LRRFIP1: variants seen among roughly 807,000 people sequenced by gnomAD.
LRRFIP1 encodes leucine-rich repeat flightless-interacting protein 1.
A neutral mutation model predicts 104.4 loss-of-function variants in LRRFIP1; 62 were observed. That is an observed-to-expected ratio of 0.59 (90% CI 0.48 to 0.73). LRRFIP1 has a LOEUF of 0.73. LRRFIP1 is among the 30% of genes least tolerant of loss of function. LRRFIP1 has a pLI of 0.00. For missense variants in LRRFIP1, 796 were observed against 824.5 expected (o/e 0.97, Z 0.42); for synonymous variants, 300 against 299.0 (o/e 1.00, Z -0.03).
In LRRFIP1 at chr2:237,758,774, C is replaced by T. The variant is rs751345212; in HGVS notation, c.1270C>T (p.Arg424Trp). The change falls in exon 18 of 24, where the codon CGG becomes TGG. Residue 424 changes from arginine to tryptophan, a missense_variant. Physicochemically the swap from Arg to Trp is moderately radical, Grantham distance 101. Transcript: ENST00000308482. ...GTTCTTTGATTCCGTAAGGAGTGAA[C>T]GGGATGATCTTAGAGAAGAAGTAGT... ...KEFFDSVRSERDDLREEVVML... is the reference protein window; with the variant it reads ...KEFFDSVRSEWDDLREEVVML... The T allele has an allele frequency of 3.7e-6, 6 of 1,612,732 alleles. No homozygotes were observed. The highest frequency in any genetic ancestry group is 2.2e-5 in the East Asian group (1 of 44,818).
chr2:237,727,957 G>A lies in LRRFIP1; in HGVS notation c.444+22G>A, dbSNP rs116261949. 2,633 of 1,564,720 alleles carry A rather than the reference G, an allele frequency of 1.7e-3. 35 individuals are homozygous for A. The African/African-American group carries it at 0.031, about 18-fold the overall frequency. On this transcript the variant is annotated intron_variant, in intron 8 of 23. Coordinates refer to ENST00000308482, the MANE Select transcript of LRRFIP1 (RefSeq NM_001137550.2). ...CAGGGTTAGTATAGTAAATTTGCAT[G>A]GCTCAAAATTCAAATAGGTTGTTTC... is the stretch of plus-strand genomic sequence containing the variant.
Position 237,779,311 on chromosome 2 carries a change from C to A in LRRFIP1, c.1813-111C>A, listed in dbSNP as rs765513732. On this transcript the variant is annotated intron_variant, in intron 23 of 23. Transcript: ENST00000308482. ...GAAGGGCATCATGAGGGACCAGGGG[C>A]CAAGTTATCATTTTATTTTTCAGTA... The A allele has an allele frequency of 9.0e-6, 13 of 1,445,138 alleles. No individual in the cohort carries two copies. The East Asian group carries it at 2.4e-4, about 27-fold the overall frequency. 89.5% of individuals were successfully genotyped at this position (1,445,138 alleles called of 1,614,324 possible). A position where few individuals can be genotyped will look rare whatever the true frequency, so the allele number is the denominator to read the frequency against.
intron 8 of LRRFIP1, among the ~76,000 whole-genome samples, chr2:237,732,109 A>G (rs1353030612): frequency 1.3e-5 from 2 of 152,202 alleles, no homozygotes; most frequent in Non-Finnish European, 2.9e-5. Context: ...TGAACTCAAA[A>G]GTCCTAATTT....
At chr2:237,748,492 T>A (rs2058166575) in intron 12 of LRRFIP1, 93 bp downstream of exon 12, 33 of 1,224,514 alleles carry the variant, frequency 2.7e-5, no homozygotes, top group Non-Finnish European at 3.5e-5. Flanking sequence ...ATAAGGATGT[T>A]CCCCAGCGAG....
chr2:237,693,078 G>T (rs1048218403), intron 1 of LRRFIP1, among the ~76,000 whole-genome samples: 1 of 152,252 alleles, frequency 6.6e-6, no homozygotes, highest in African/African-American at 2.4e-5. Context: ...TTTTGCCGTT[G>T]TCCAGCTCAA....
At chr2:237,764,503 T>C (rs1032285723) in intron 19 of LRRFIP1, 1 of 1,113,070 alleles carries the variant, frequency 9.0e-7, no homozygotes, top group Non-Finnish European at 1.1e-6. Context: ...CAGCATCTAA[T>C]TGAAATGACC....
chr2:237,745,853 A>G (rs1016927708), intron 11 of LRRFIP1, among the ~76,000 whole-genome samples: 68 of 152,292 alleles, frequency 4.5e-4, no homozygotes, highest in Admixed American at 3.3e-4. Flanking sequence ...TTGGCAGTCT[A>G]TTAAACTGGA....
At chr2:237,658,051 G>C (rs541636386) in intron 1 of LRRFIP1, among the ~76,000 whole-genome samples, 1 of 152,250 alleles carries the variant, frequency 6.6e-6, no homozygotes, top group Admixed American at 6.5e-5. Flanking sequence ...TAAAACCAAG[G>C]AGAACCACCT....
chr2:237,678,889 T>C (rs1379077455), intron 1 of LRRFIP1, among the ~76,000 whole-genome samples: 1 of 152,208 alleles, frequency 6.6e-6, no homozygotes, highest in Non-Finnish European at 1.5e-5. Context: ...TTTACTTAAA[T>C]AATGATTATC....
chr2:237,681,907 C>T (rs2091888514), intron 1 of LRRFIP1, among the ~76,000 whole-genome samples: 1 of 150,642 alleles, frequency 6.6e-6, no homozygotes, highest in African/African-American at 2.4e-5. Context: ...TCTCGATCTC[C>T]TGACCTCGTG....
At chr2:237,696,768 G>C (rs1421469112) in intron 1 of LRRFIP1, among the ~76,000 whole-genome samples, 1 of 152,256 alleles carries the variant, frequency 6.6e-6, no homozygotes, top group Non-Finnish European at 1.5e-5. Context: ...CTGGCAGGTA[G>C]TAAATGTGCA....
At chr2:237,778,256 G>A (rs966731997) in intron 23 of LRRFIP1, among the ~76,000 whole-genome samples, 1 of 152,206 alleles carries the variant, frequency 6.6e-6, no homozygotes, top group Non-Finnish European at 1.5e-5. Flanking sequence ...TGCTAGTGAG[G>A]TGGGGTCGGG....
chr2:237,668,859 T>C (rs2089928691), intron 1 of LRRFIP1, among the ~76,000 whole-genome samples: 1 of 152,312 alleles, frequency 6.6e-6, no homozygotes, highest in African/African-American at 2.4e-5. Flanking sequence ...ATTCAGGCAA[T>C]AGTAGAAAAT....
At chr2:237,698,639 C>A (rs1200896487) in intron 1 of LRRFIP1, among the ~76,000 whole-genome samples, 1 of 152,238 alleles carries the variant, frequency 6.6e-6, no homozygotes, top group East Asian at 1.9e-4. Flanking sequence ...TCAGTCTACT[C>A]CATAATTTGT....
At position 237,758,838 on chromosome 2, in the gene LRRFIP1, C is replaced by T. The variant is rs2059566140; in HGVS notation, c.1317+17C>T. ...GAATTAAAGGTATGAAGCCAAACTA[C>T]AGTTTTATTTAAAAAAAAAGAAAAA... On this transcript the variant is annotated intron_variant, in intron 18 of 23. Transcript: ENST00000308482. 1.3e-6 allele frequency: 2 copies of T among 1,554,364 alleles called. No homozygotes were observed. Among genetic ancestry groups the T allele is most frequent in the Non-Finnish European group, 1.7e-6 (2 of 1,149,882 alleles).
chr2:237,700,279 A>G (rs1300561811), intron 1 of LRRFIP1, among the ~76,000 whole-genome samples: 2 of 152,096 alleles, frequency 1.3e-5, no homozygotes, highest in Non-Finnish European at 2.9e-5. Context: ...CCCCTCCAGG[A>G]GCTTGATTCC....
intron 1 of LRRFIP1, among the ~76,000 whole-genome samples, chr2:237,657,586 A>C (rs2087048513): frequency 6.6e-6 from 1 of 152,240 alleles, no homozygotes; most frequent in Non-Finnish European, 1.5e-5. Flanking sequence ...GAAGAAAGTT[A>C]TGGCAATGTC....
At chr2:237,738,265 A>ATC (rs34714881) in intron 10 of LRRFIP1, among the ~76,000 whole-genome samples, 14,503 of 151,764 alleles carry the variant, frequency 0.096, 1,509 homozygotes, top group African/African-American at 0.26. Flanking sequence ...ACCCGTGAAG[A>ATC]TCTGGATGAG....
Position 237,779,448 on chromosome 2 carries a change from A to G in LRRFIP1, c.1839A>G (p.Glu613=). 1 of 1,613,752 alleles carries G rather than the reference A, an allele frequency of 6.2e-7. No homozygotes were observed. Among genetic ancestry groups the G allele is most frequent in the Non-Finnish European group, 8.5e-7 (1 of 1,179,696 alleles). The part of the protein sequence containing the change: ...RELRSALDKT[E]ELEVSNGHLV... ...TCCGCTCTGCATTGGATAAAACAGA[A>G]GAGCTCGAGGTGAGCAACGGCCACT... The change falls in exon 24 of 24, where the codon GAA becomes GAG. Residue 613 remains glutamate (E), a synonymous_variant. Coordinates refer to ENST00000308482, the MANE Select transcript of LRRFIP1 (RefSeq NM_001137550.2).
Sources: gnomAD v4.1 joint callset for allele counts (sites outside exome capture counted in the v4.1 genomes callset) on GRCh38, gnomAD v4.1.1 for gene constraint, MANE v1.5 for transcripts, NCBI Gene and HGNC (gene_info 2026-07-23, HGNC 2026-07-21) for gene names.